Variants in SCN8A observed in about 807,000 individuals in gnomAD.
SCN8A encodes the protein sodium voltage-gated channel alpha subunit 8.
Under a neutral mutation model 184.1 loss-of-function variants are expected in SCN8A, and 30 were observed. The ratio of observed to expected loss-of-function variants is 0.16; its 90% confidence interval spans 0.12 to 0.22. The LOEUF is 0.22. Among genes scored for constraint, SCN8A ranks in the 10% least tolerant of loss-of-function variants. The pLI is 1.00. For synonymous variants in SCN8A, 852 were observed against 907.0 expected (o/e 0.94, Z 1.09); for missense variants, 1,057 against 2,498.9 (o/e 0.42, Z 12.30).
intron 1 of SCN8A, among the ~76,000 whole-genome samples, chr12:51,603,326 A>C (rs1939509851): frequency 6.6e-6 from 1 of 152,232 alleles, no homozygotes; most frequent in South Asian, 2.1e-4. Flanking sequence ...TTGGAGATTT[A>C]ACCATGTTGT....
At chr12:51,634,660 T>TA (rs199938766) in intron 1 of SCN8A, among the ~76,000 whole-genome samples, 1,498 of 147,354 alleles carry the variant, frequency 0.01, 52 homozygotes, top group East Asian at 0.057. Flanking sequence ...ATTATTATTT[T>TA]TTTTTTTTGA....
chr12:51,625,888 G>C (rs969368717), intron 1 of SCN8A, among the ~76,000 whole-genome samples: 1 of 152,186 alleles, frequency 6.6e-6, no homozygotes, highest in African/African-American at 2.4e-5. Context: ...GGTGGCAATA[G>C]TAGTGGTAGT....
intron 1 of SCN8A, among the ~76,000 whole-genome samples, chr12:51,628,879 A>G (rs1940136198): frequency 6.6e-6 from 1 of 152,218 alleles, no homozygotes; most frequent in Non-Finnish European, 1.5e-5. Flanking sequence ...TGAGCTGGGC[A>G]ACATGATGTA....
At chr12:51,696,994 G>A (rs1173061541) in intron 6 of SCN8A, among the ~76,000 whole-genome samples, 4 of 147,432 alleles carry the variant, frequency 2.7e-5, no homozygotes, top group East Asian at 2.0e-4. Context: ...AGCCAAGATC[G>A]TGCCATTGCA....
chr12:51,698,612 A>G (rs1468193664), intron 6 of SCN8A, among the ~76,000 whole-genome samples: 1 of 152,196 alleles, frequency 6.6e-6, no homozygotes, highest in Non-Finnish European at 1.5e-5. Flanking sequence ...TGATCTCTCC[A>G]TGTGCAATTA....
At chr12:51,616,514 A>T (rs1283242356) in intron 1 of SCN8A, among the ~76,000 whole-genome samples, 1 of 152,152 alleles carries the variant, frequency 6.6e-6, no homozygotes, top group Non-Finnish European at 1.5e-5. Context: ...CAGGAGGTTG[A>T]GGCAGGAGAA....
At chr12:51,713,118 A>G in intron 11 of SCN8A, 1 of 1,252,970 alleles carries the variant, frequency 8.0e-7, no homozygotes. Flanking sequence ...TCTTTTTTCC[A>G]CTCTGCCTCT....
chr12:51,730,574 G>C, intron 12 of SCN8A, among the ~76,000 whole-genome samples: 1 of 151,986 alleles, frequency 6.6e-6, no homozygotes. Flanking sequence ...TCAGATTTTT[G>C]TGGGTACATA....
chr12:51,807,157 C>T lies in SCN8A; in HGVS notation c.5671C>T (p.Arg1891Cys), dbSNP rs774029281. 4 of 1,613,944 alleles carry T rather than the reference C, an allele frequency of 2.5e-6. No individual in the cohort carries two copies. Among genetic ancestry groups the T allele is most frequent in the South Asian group, 2.2e-5 (2 of 91,074 alleles). Residue 1891 changes from arginine (R) to cysteine (C), a missense_variant, in exon 27 of 27, where the codon CGT becomes TGT. Arg to Cys is a radical substitution (Grantham distance 180). Transcript: ENST00000627620. This position sits in a 1 kb window ranked among gnomAD's most constrained non-coding sequence, Gnocchi z 4.5. ...TTACGAGCCAATCACAACCACACTGCGTCGCAAGCAGGAGGAGGTATCTGC... is the reference window on the plus strand; with the variant it reads ...TTACGAGCCAATCACAACCACACTGTGTCGCAAGCAGGAGGAGGTATCTGC... ...VSYEPITTTLRRKQEEVSAVV... is the reference protein window; with the variant it reads ...VSYEPITTTLCRKQEEVSAVV...
intron 1 of SCN8A, among the ~76,000 whole-genome samples, chr12:51,641,082 C>T (rs1204450551): frequency 6.6e-6 from 1 of 152,032 alleles, no homozygotes; most frequent in East Asian, 1.9e-4. Flanking sequence ...CAACCAGCTG[C>T]AGATCAAAAA....
chr12:51,634,656 A>ATTTTT (rs10639290), intron 1 of SCN8A, among the ~76,000 whole-genome samples: 70 of 136,590 alleles, frequency 5.1e-4, no homozygotes, highest in African/African-American at 1.2e-3. Flanking sequence ...TATTATTATT[A>ATTTTT]TTTTTTTTTT....
intron 21 of SCN8A, among the ~76,000 whole-genome samples, chr12:51,785,003 G>T (rs1257674949): frequency 1.3e-5 from 2 of 152,188 alleles, no homozygotes; most frequent in Non-Finnish European, 2.9e-5. Context: ...GCTGTGAAAT[G>T]CTGTCACATA....
intron 1 of SCN8A, among the ~76,000 whole-genome samples, chr12:51,655,800 T>TG (rs1940811555): frequency 1.3e-5 from 2 of 152,230 alleles, no homozygotes; most frequent in African/African-American, 4.8e-5. Context: ...CTTTTGTTGT[T>TG]GCTTTATCAT....
chr12:51,599,767 A>G (rs1007028513), intron 1 of SCN8A, among the ~76,000 whole-genome samples: 1 of 152,156 alleles, frequency 6.6e-6, no homozygotes, highest in African/African-American at 2.4e-5. Flanking sequence ...TGTAGTGGTT[A>G]TAAGGATGGG....
At chr12:51,793,485 A>G (rs971151978) in intron 25 of SCN8A, among the ~76,000 whole-genome samples, 5 of 152,200 alleles carry the variant, frequency 3.3e-5, no homozygotes, top group African/African-American at 1.2e-4. Context: ...GAGGAAAGGT[A>G]TGGGCTGGAG....
chr12:51,593,768 C>T (rs1308824398), intron 1 of SCN8A, among the ~76,000 whole-genome samples: 1 of 152,158 alleles, frequency 6.6e-6, no homozygotes, highest in Non-Finnish European at 1.5e-5. Context: ...AGGTTGAGGC[C>T]TAGTTATCAT....
chr12:51,802,344 C>T (rs1374446899), intron 26 of SCN8A, among the ~76,000 whole-genome samples: 1 of 152,158 alleles, frequency 6.6e-6, no homozygotes, highest in Non-Finnish European at 1.5e-5. Context: ...GCTGTTTTCT[C>T]TGGCAAAAAA....
chr12:51,769,808 A>G (rs1008866031), intron 17 of SCN8A, 60 bp from the exon 18 acceptor site: 21 of 1,055,344 alleles, frequency 2.0e-5, no homozygotes, highest in Admixed American at 4.0e-5. Flanking sequence ...CAGAGTTCTC[A>G]GTGTGGAGTG....
At chr12:51,693,371 T>G (rs560675483) in intron 6 of SCN8A, among the ~76,000 whole-genome samples, 1 of 152,228 alleles carries the variant, frequency 6.6e-6, no homozygotes, top group Non-Finnish European at 1.5e-5. Flanking sequence ...CTTTGAGAGC[T>G]AGTTTAGTTT....
Sources: allele counts gnomAD v4.1 joint callset (sites outside exome capture counted in the v4.1 genomes callset), GRCh38; gene constraint gnomAD v4.1.1; non-coding constraint Gnocchi (gnomAD v3.1); transcripts MANE v1.5; gene names NCBI Gene and HGNC (gene_info 2026-07-23, HGNC 2026-07-21).